SEC11A: variants seen among roughly 807,000 people sequenced by gnomAD.
SEC11A encodes the protein SEC11 homolog A, signal peptidase complex subunit, also known as signal peptidase complex catalytic subunit SEC11A.
SEC11A carries 14 observed loss-of-function variants against 25.6 expected under a neutral mutation model. The ratio of observed to expected loss-of-function variants is 0.55; its 90% CI spans 0.36 to 0.85. The LOEUF (loss-of-function observed/expected upper bound fraction) is 0.85, where lower values mean the gene tolerates loss of function less well. Among genes scored for constraint, SEC11A ranks in the 40% least tolerant of loss-of-function variants. SEC11A has a pLI of 0.01. For missense variants in SEC11A, 153 were observed against 222.9 expected (o/e 0.69, Z 2.00); for synonymous variants, 83 against 76.4 (o/e 1.09, Z -0.45).
In SEC11A at chr15:84,679,282, G is replaced by C. The variant is rs1374626516; in HGVS notation, c.431+1431C>G. The C allele has an allele frequency of 4.0e-6, 5 of 1,256,652 alleles. No individual in the cohort carries two copies. The South Asian group carries it at 6.2e-5, about 16-fold the overall frequency. 77.8% of individuals were successfully genotyped at this position (1,256,652 alleles called of 1,614,324 possible). A position where few individuals can be genotyped will look rare whatever the true frequency, so the allele number is the denominator to read the frequency against. ...GGGACTAGTATTTCTCAGAAGCACT[G>C]ATGACCTAATTTGGATTATAAAAGT... On this transcript the variant is annotated intron_variant, in intron 4 of 5. Coordinates refer to ENST00000268220, the MANE Select transcript of SEC11A (RefSeq NM_014300.4).
rs371134298 is a variant in SEC11A, at chr15:84,714,077, G to C, written c.51+1948C>G. Among the ~76,000 whole-genome samples, 80 of 140,380 alleles carry C rather than the reference G, an allele frequency of 5.7e-4. 1 individual carries two copies. Among genetic ancestry groups the C allele is most frequent in the Non-Finnish European group, 9.5e-4 (63 of 66,390 alleles). The allele number at this position is 140,380 out of a possible 152,430, so 92.1% of individuals were successfully genotyped here. On this transcript the variant is annotated intron_variant, in intron 1 of 5. Coordinates refer to ENST00000268220, the MANE Select transcript of SEC11A (RefSeq NM_014300.4). ...TCACTCTGTCACCAGGCTGGAGTGC[G>C]GTGGCACGATCTCAGCTCACTGCAA...
intron 3 of SEC11A, among the ~76,000 whole-genome samples, chr15:84,683,961 A>G (rs144883786): frequency 1.1e-4 from 16 of 152,328 alleles, no homozygotes; most frequent in African/African-American, 3.8e-4. Context: ...TTCTAGGGAG[A>G]TCAAAGAGTT....
At chr15:84,714,535 T>G (rs1328973658) in intron 1 of SEC11A, among the ~76,000 whole-genome samples, 2 of 152,234 alleles carry the variant, frequency 1.3e-5, no homozygotes, top group Non-Finnish European at 2.9e-5. Flanking sequence ...ATGTTGCATA[T>G]CTTTTTACAA....
At chr15:84,696,341 A>G (rs1424756749) in intron 1 of SEC11A, among the ~76,000 whole-genome samples, 1 of 152,184 alleles carries the variant, frequency 6.6e-6, no homozygotes, top group African/African-American at 2.4e-5. Flanking sequence ...GCTGAATTGA[A>G]GACGTGGAGT....
chr15:84,679,937 C>T, intron 4 of SEC11A: 3 of 1,529,882 alleles, frequency 2.0e-6, no homozygotes, highest in Non-Finnish European at 2.6e-6. Flanking sequence ...CTTACAATTC[C>T]TGTCCTCCAC....
chr15:84,682,003 G>A (rs1409540442), intron 3 of SEC11A, among the ~76,000 whole-genome samples: 8 of 152,142 alleles, frequency 5.3e-5, no homozygotes, highest in Admixed American at 4.6e-4. Context: ...AGGCTGCGGT[G>A]AGCTGTGATT....
At chr15:84,679,822 G>A (rs930999034) in intron 4 of SEC11A, 1 of 712,928 alleles carries the variant, frequency 1.4e-6, no homozygotes, top group Non-Finnish European at 2.3e-6. Flanking sequence ...AAAGCACTTA[G>A]AATGAGTCTC....
intron 4 of SEC11A, chr15:84,672,412 G>A (rs931615087): frequency 2.1e-4 from 33 of 160,776 alleles, no homozygotes; most frequent in African/African-American, 7.4e-4. Flanking sequence ...GATTGCAGGC[G>A]CGCGCCGCCA....
chr15:84,681,107 TAAGTG>T (rs1415641188), intron 3 of SEC11A, among the ~76,000 whole-genome samples: 2 of 152,104 alleles, frequency 1.3e-5, no homozygotes, highest in East Asian at 1.9e-4. Context: ...CAAATTTTAT[TAAGTG>T]AAGAAAAGAA....
At chr15:84,683,742 C>T (rs1897339498) in intron 3 of SEC11A, among the ~76,000 whole-genome samples, 1 of 152,112 alleles carries the variant, frequency 6.6e-6, no homozygotes, top group East Asian at 1.9e-4. Flanking sequence ...TCAGGCTGGT[C>T]TGGAACTCCT....
At chr15:84,687,937 C>T (rs1483437303) in intron 2 of SEC11A, among the ~76,000 whole-genome samples, 163 bp from the exon 3 acceptor site, 1 of 152,184 alleles carries the variant, frequency 6.6e-6, no homozygotes, top group East Asian at 1.9e-4. Flanking sequence ...ATATGGTTTC[C>T]TCAGACTAAA....
At position 84,695,088 on chromosome 15, in the gene SEC11A, TAAAAAAAAAAAAA is replaced by T. The variant is rs55789527; in HGVS notation, c.52-3457_52-3445del. 6.4e-3 allele frequency among the ~76,000 whole-genome samples: 172 copies of T among 26,982 alleles called. 2 individuals carry two copies. Among genetic ancestry groups the T allele is most frequent in the African/African-American group, 0.04 (168 of 4,232 alleles). The allele number at this position is 26,982 out of a possible 152,430, so 17.7% of individuals were successfully genotyped here. On this transcript the variant is annotated intron_variant, in intron 1 of 5. Transcript: ENST00000268220. ...CTGGGCGACACAGCAAGACTCCATC[TAAAAAAAAAAAAA>T]AAAAAAAAAAAAAAAAGAAGGTAGA...
chr15:84,712,265 C>G (rs1898298167), intron 1 of SEC11A, among the ~76,000 whole-genome samples: 1 of 151,676 alleles, frequency 6.6e-6, no homozygotes, highest in South Asian at 2.1e-4. Flanking sequence ...TTCTAAGAAA[C>G]CCAACATACC....
rs1338556215 is a variant in SEC11A at position 84,669,734 on chromosome 15, C to G, written c.*285G>C. 1.4e-5 allele frequency: 6 copies of G among 417,210 alleles called. No homozygotes were observed. Among genetic ancestry groups the G allele is most frequent in the Non-Finnish European group, 8.7e-6 (2 of 228,886 alleles). The allele number at this position is 417,210 out of a possible 1,614,324, so 25.8% of individuals were successfully genotyped here. A position where few individuals can be genotyped will look rare whatever the true frequency, so the allele number is the denominator to read the frequency against. On this transcript the variant is annotated 3_prime_UTR_variant, in exon 6 of 6. Coordinates refer to ENST00000268220, the MANE Select transcript of SEC11A (RefSeq NM_014300.4). ...AAAATACAAACACTGGGGGCTTTGG[C>G]TCAACCTTTTAATATAAAAAAATTC...
chr15:84,699,894 G>A (rs938318413), intron 1 of SEC11A, among the ~76,000 whole-genome samples: 8 of 151,964 alleles, frequency 5.3e-5, no homozygotes, highest in African/African-American at 1.7e-4. Context: ...TAAAAGCAGC[G>A]GATGGAACAA....
intron 1 of SEC11A, among the ~76,000 whole-genome samples, chr15:84,713,886 G>A (rs979854069): frequency 6.6e-6 from 1 of 152,118 alleles, no homozygotes; most frequent in African/African-American, 2.4e-5. Context: ...CCTTGAAGCT[G>A]TTCGTAATGC....
At chr15:84,681,446 A>T (rs1209035907) in intron 3 of SEC11A, among the ~76,000 whole-genome samples, 1 of 152,142 alleles carries the variant, frequency 6.6e-6, no homozygotes, top group Non-Finnish European at 1.5e-5. Context: ...CCTGGCCAAC[A>T]TGGCGAAACC....
chr15:84,703,175 C>T (rs1897998513), intron 1 of SEC11A, among the ~76,000 whole-genome samples: 1 of 152,144 alleles, frequency 6.6e-6, no homozygotes, highest in African/African-American at 2.4e-5. Context: ...TTTTTGTTTG[C>T]TACTGAGTTC....
intron 1 of SEC11A, among the ~76,000 whole-genome samples, chr15:84,706,879 G>A (rs926189778): frequency 2.6e-5 from 4 of 152,192 alleles, no homozygotes; most frequent in African/African-American, 4.8e-5. Context: ...CTGCAATTAC[G>A]CAGAAGGTCA....
Sources: allele counts gnomAD v4.1 joint callset (sites outside exome capture counted in the v4.1 genomes callset), GRCh38; gene constraint gnomAD v4.1.1; transcripts MANE v1.5; gene names NCBI Gene and HGNC (gene_info 2026-07-23, HGNC 2026-07-21).